STAU2: variants seen among roughly 807,000 people sequenced by gnomAD.
The protein encoded by STAU2 is staufen double-stranded RNA binding protein 2, also known as double-stranded RNA-binding protein Staufen homolog 2.
Under a neutral mutation model 65.9 loss-of-function variants are expected in STAU2, and 20 were observed. That is an observed-to-expected ratio of 0.30 (90% confidence interval 0.21 to 0.44). STAU2 has a LOEUF of 0.44. Among genes scored for constraint, STAU2 ranks in the 20% least tolerant of loss-of-function variants. The probability of loss-of-function intolerance (pLI) is 1.00; values close to 1 mark genes in which losing one functional copy is unlikely to be tolerated. For synonymous variants in STAU2, 232 were observed against 233.9 expected (o/e 0.99, Z 0.07); for missense variants, 558 against 683.9 (o/e 0.82, Z 2.05).
chr8:73,651,724 G>A (rs1239692122), intron 6 of STAU2: 9 of 446,092 alleles, frequency 2.0e-5, no homozygotes, highest in South Asian at 6.0e-5. Context: ...GCATGCATAC[G>A]CTGGGACCAG....
At chr8:73,668,852 G>A (rs1817439246) in intron 6 of STAU2, 1 of 468,714 alleles carries the variant, frequency 2.1e-6, no homozygotes, top group Admixed American at 3.5e-5. Context: ...TTAGGCCTTT[G>A]AATAAGTTCA....
chr8:73,726,146 C>G (rs1480970567), intron 3 of STAU2, among the ~76,000 whole-genome samples: 4 of 152,008 alleles, frequency 2.6e-5, no homozygotes, highest in Admixed American at 1.3e-4. Context: ...CTGGATGGAA[C>G]TGGAGACTTA....
chr8:73,661,946 T>C (rs1816862316), intron 6 of STAU2, among the ~76,000 whole-genome samples: 1 of 152,206 alleles, frequency 6.6e-6, no homozygotes, highest in African/African-American at 2.4e-5. Context: ...CTTAGGTAAA[T>C]ACCACATGGA....
chr8:73,451,130 G>A (rs1056257209), intron 13 of STAU2, among the ~76,000 whole-genome samples: 3 of 152,152 alleles, frequency 2.0e-5, no homozygotes, highest in African/African-American at 4.8e-5. Context: ...CCCTATAAAC[G>A]TAATCCTTGA....
intron 1 of STAU2, among the ~76,000 whole-genome samples, chr8:73,746,020 C>G (rs1199844043): frequency 6.6e-6 from 1 of 151,928 alleles, no homozygotes; most frequent in Non-Finnish European, 1.5e-5. Context: ...AGCTTTGTCT[C>G]CTCGCCCAAC....
At chr8:73,643,293 C>A (rs1378753885) in intron 6 of STAU2, among the ~76,000 whole-genome samples, 1 of 152,196 alleles carries the variant, frequency 6.6e-6, no homozygotes, top group East Asian at 1.9e-4. Context: ...ATGGTAAAGA[C>A]CCTAATCCCA....
intron 12 of STAU2, among the ~76,000 whole-genome samples, chr8:73,577,782 A>C (rs1270784798): frequency 6.6e-6 from 1 of 152,176 alleles, no homozygotes; most frequent in Non-Finnish European, 1.5e-5. Context: ...CAGAAATTTC[A>C]TAACATTTAT....
intron 13 of STAU2, among the ~76,000 whole-genome samples, chr8:73,461,794 C>T (rs1188788529): frequency 6.6e-6 from 1 of 152,082 alleles, no homozygotes; most frequent in Non-Finnish European, 1.5e-5. Flanking sequence ...AAACTCAGAG[C>T]CTGCAGGGAT....
At chr8:73,744,093 A>C (rs994786424) in intron 1 of STAU2, among the ~76,000 whole-genome samples, 2 of 152,090 alleles carry the variant, frequency 1.3e-5, no homozygotes, top group Non-Finnish European at 2.9e-5. Context: ...TTCTATGATC[A>C]GCTTGGTGAA....
At chr8:73,503,665 T>C (rs1457994060) in intron 13 of STAU2, among the ~76,000 whole-genome samples, 1 of 152,100 alleles carries the variant, frequency 6.6e-6, no homozygotes, top group Non-Finnish European at 1.5e-5. Context: ...TAATCACTTC[T>C]TGGCCTTTTG....
intron 6 of STAU2, among the ~76,000 whole-genome samples, chr8:73,660,335 C>T (rs1816736541): frequency 6.6e-6 from 1 of 152,140 alleles, no homozygotes; most frequent in Non-Finnish European, 1.5e-5. Context: ...GAGGCTGAGG[C>T]AGGAGAATCA....
chr8:73,697,494 G>A (rs946264673), intron 4 of STAU2: 2 of 152,152 alleles, frequency 1.3e-5, no homozygotes, highest in African/African-American at 4.8e-5. Flanking sequence ...GGTACAAAAT[G>A]CACTGGTAAC....
At chr8:73,576,371 A>G (rs1378295723) in intron 12 of STAU2, among the ~76,000 whole-genome samples, 1 of 152,062 alleles carries the variant, frequency 6.6e-6, no homozygotes, top group African/African-American at 2.4e-5. Context: ...AGAATTCCAG[A>G]GGGCAATATA....
chr8:73,571,963 C>T (rs1282201414), intron 12 of STAU2, among the ~76,000 whole-genome samples: 10 of 151,874 alleles, frequency 6.6e-5, no homozygotes, highest in East Asian at 1.9e-4. Flanking sequence ...ATCCAGGAAG[C>T]GGTTTTTTGA....
intron 13 of STAU2, among the ~76,000 whole-genome samples, chr8:73,504,389 A>C (rs1053558320): frequency 8.5e-5 from 13 of 152,170 alleles, no homozygotes; most frequent in Non-Finnish European, 1.5e-4. Flanking sequence ...TGAAAGAAAT[A>C]CTAAGTTGTC....
At chr8:73,577,510 A>G (rs2128960056) in intron 12 of STAU2, among the ~76,000 whole-genome samples, 1 of 151,650 alleles carries the variant, frequency 6.6e-6, no homozygotes, top group Non-Finnish European at 1.5e-5. Flanking sequence ...TGTGTATTTC[A>G]GGCCAAAGTT....
chr8:73,598,388 C>T (rs956294069), intron 10 of STAU2, among the ~76,000 whole-genome samples: 1 of 151,968 alleles, frequency 6.6e-6, no homozygotes, highest in Non-Finnish European at 1.5e-5. Context: ...CCACCATGCC[C>T]GGCTAATTTT....
intron 13 of STAU2, among the ~76,000 whole-genome samples, chr8:73,431,384 T>A (rs946449965): frequency 6.6e-6 from 1 of 152,216 alleles, no homozygotes; most frequent in Non-Finnish European, 1.5e-5. Flanking sequence ...AAAAGGTACA[T>A]CTAAAGCAAT....
Position 73,476,609 on chromosome 8 carries a change from TAGGA to T in STAU2, c.1531-53911_1531-53908del, listed in dbSNP as rs1424809859. 2.0e-5 allele frequency among the ~76,000 whole-genome samples: 3 copies of T among 152,308 alleles called. No homozygotes were observed. In the East Asian group the frequency reaches 5.8e-4, roughly 29 times the overall value. ...GTCTGATTCAGTACACTTCTAAGAA[TAGGA>T]AATGCAAGATTAAACTAGGCTTTAA... On this transcript the variant is annotated intron_variant, in intron 13 of 14. Coordinates refer to ENST00000524300, the MANE Select transcript of STAU2 (RefSeq NM_001164380.2).
Sources: allele counts gnomAD v4.1 joint callset (sites outside exome capture counted in the v4.1 genomes callset), GRCh38; gene constraint gnomAD v4.1.1; transcripts MANE v1.5; gene names NCBI Gene and HGNC (gene_info 2026-07-23, HGNC 2026-07-21).